The following FNDC3B variants were observed in gnomAD, a reference collection of about 807,000 sequenced individuals.
FNDC3B encodes the protein fibronectin type III domain-containing protein 3B.
FNDC3B carries 12 observed loss-of-function variants against 151.5 expected under a neutral mutation model. That is an observed-to-expected ratio of 0.08 (90% CI 0.05 to 0.13). The LOEUF is 0.13. Ranked by LOEUF, FNDC3B falls within the 10% of genes least tolerant of loss-of-function variation. The probability of loss-of-function intolerance (pLI) is 1.00; values close to 1 mark genes in which losing one functional copy is unlikely to be tolerated. For missense variants in FNDC3B, 1,214 were observed against 1,505.3 expected (o/e 0.81, Z 3.20); for synonymous variants, 528 against 549.0 (o/e 0.96, Z 0.54).
At chr3:172,224,280 G>C (rs1560026160) in intron 3 of FNDC3B, among the ~76,000 whole-genome samples, 1 of 152,234 alleles carries the variant, frequency 6.6e-6, no homozygotes, top group Non-Finnish European at 1.5e-5. Context: ...AGCCTTCAGC[G>C]ATTGGTGGAT....
At chr3:172,237,033 A>C (rs941671359) in intron 4 of FNDC3B, among the ~76,000 whole-genome samples, 1 of 152,210 alleles carries the variant, frequency 6.6e-6, no homozygotes, top group Admixed American at 6.5e-5. Context: ...ATAAGTGTGA[A>C]TAGAAGCTTG....
At chr3:172,059,088 G>A (rs1440353678) in intron 1 of FNDC3B, among the ~76,000 whole-genome samples, 1 of 151,848 alleles carries the variant, frequency 6.6e-6, no homozygotes, top group South Asian at 2.1e-4. Context: ...TTATTTATTT[G>A]TCACTATTAA....
chr3:172,189,525 A>G (rs1724393327), intron 3 of FNDC3B, among the ~76,000 whole-genome samples: 1 of 152,234 alleles, frequency 6.6e-6, no homozygotes, highest in African/African-American at 2.4e-5. Flanking sequence ...CAGTGCTTCA[A>G]ACAAATTTGA....
At chr3:172,290,680 T>C (rs543192955) in intron 7 of FNDC3B, among the ~76,000 whole-genome samples, 2 of 152,232 alleles carry the variant, frequency 1.3e-5, no homozygotes, top group African/African-American at 4.8e-5. Flanking sequence ...ACACTTCCCC[T>C]GTAAGAAGCA....
chr3:172,374,554 C>A (rs1273100910), intron 23 of FNDC3B, among the ~76,000 whole-genome samples: 1 of 152,092 alleles, frequency 6.6e-6, no homozygotes, highest in Non-Finnish European at 1.5e-5. Context: ...ATCACCACGC[C>A]TGGCTAATTT....
chr3:172,068,031 C>A (rs954584985), intron 1 of FNDC3B, among the ~76,000 whole-genome samples: 2 of 152,322 alleles, frequency 1.3e-5, no homozygotes, highest in East Asian at 3.9e-4. Flanking sequence ...AGTCACAGGG[C>A]GACTGCCTTG....
intron 1 of FNDC3B, among the ~76,000 whole-genome samples, chr3:172,053,317 CT>C (rs568354510): frequency 2.2e-3 from 329 of 152,160 alleles, no homozygotes; most frequent in Non-Finnish European, 3.7e-3. Flanking sequence ...GATTTTAAAA[CT>C]TTTTTTTAAC....
intron 6 of FNDC3B, among the ~76,000 whole-genome samples, chr3:172,253,464 A>G (rs544272081): frequency 2.0e-5 from 3 of 152,308 alleles, no homozygotes; most frequent in African/African-American, 7.2e-5. Flanking sequence ...GTTGGCTCCT[A>G]GGATCCCAAA....
At chr3:172,334,811 G>T in intron 14 of FNDC3B, 133 bp from the exon 15 acceptor site, 1 of 715,112 alleles carries the variant, frequency 1.4e-6, no homozygotes, top group South Asian at 1.9e-5. Flanking sequence ...GTTAATACTT[G>T]AGTTGAAAGA....
chr3:172,203,633 G>A (rs1344634307), intron 3 of FNDC3B, among the ~76,000 whole-genome samples: 1 of 152,194 alleles, frequency 6.6e-6, no homozygotes, highest in Non-Finnish European at 1.5e-5. Flanking sequence ...GAAAGATTAT[G>A]CTTGGTGTTC....
At chr3:172,349,948 G>T (rs1733784909) in intron 21 of FNDC3B, among the ~76,000 whole-genome samples, 1 of 152,118 alleles carries the variant, frequency 6.6e-6, no homozygotes, top group Non-Finnish European at 1.5e-5. Context: ...GAGCCACCGT[G>T]CCCGGCCACC....
chr3:172,387,898 A>G (rs568530455), intron 25 of FNDC3B, among the ~76,000 whole-genome samples: 1 of 152,330 alleles, frequency 6.6e-6, no homozygotes, highest in Admixed American at 6.5e-5. Context: ...TATGTGCCCA[A>G]CATTATGCCC....
chr3:172,353,108 G>A, intron 22 of FNDC3B, 25 bp downstream of exon 22: 2 of 1,604,648 alleles, frequency 1.2e-6, no homozygotes, highest in Non-Finnish European at 1.7e-6. Context: ...GTAGAAATCT[G>A]CATCAGCACA....
intron 2 of FNDC3B, among the ~76,000 whole-genome samples, chr3:172,132,345 A>G (rs1204230930): frequency 6.6e-6 from 1 of 152,190 alleles, no homozygotes; most frequent in Non-Finnish European, 1.5e-5. Context: ...TAGAAATTAT[A>G]TGGTGATTTT....
chr3:172,371,592 C>T (rs1734886778), intron 23 of FNDC3B, among the ~76,000 whole-genome samples: 1 of 152,214 alleles, frequency 6.6e-6, no homozygotes, highest in African/African-American at 2.4e-5. Context: ...ACCTTCTAAC[C>T]AGTTTATTTC....
At chr3:172,366,035 T>C (rs572926697) in intron 23 of FNDC3B, among the ~76,000 whole-genome samples, 1 of 152,312 alleles carries the variant, frequency 6.6e-6, no homozygotes, top group South Asian at 2.1e-4. Flanking sequence ...AAGGTGTCCC[T>C]TGTAAATGAT....
chr3:172,279,419 G>C (rs1162341046), intron 6 of FNDC3B, among the ~76,000 whole-genome samples: 1 of 152,136 alleles, frequency 6.6e-6, no homozygotes, highest in Non-Finnish European at 1.5e-5. Flanking sequence ...TTGGAACCTA[G>C]GCCGCTCTTG....
intron 1 of FNDC3B, among the ~76,000 whole-genome samples, chr3:172,058,149 C>T (rs148404721): frequency 4.2e-4 from 64 of 152,332 alleles, no homozygotes; most frequent in Middle Eastern, 6.8e-3. Context: ...TAGTTGCTCA[C>T]ATGTCCCACT....
chr3:172,041,185 C>G (rs983969866), intron 1 of FNDC3B, among the ~76,000 whole-genome samples: 1 of 152,126 alleles, frequency 6.6e-6, no homozygotes, highest in Admixed American at 6.5e-5. Context: ...TCCCCCTCTT[C>G]CCTCCCAGGC....
Sources: allele counts gnomAD v4.1 joint callset (sites outside exome capture counted in the v4.1 genomes callset), GRCh38; gene constraint gnomAD v4.1.1; transcripts MANE v1.5; gene names NCBI Gene and HGNC (gene_info 2026-07-23, HGNC 2026-07-21).